Variants in SFMBT1 observed in about 807,000 individuals in gnomAD.
SFMBT1 encodes the protein Scm like with four mbt domains 1.
SFMBT1 carries 32 observed loss-of-function variants against 108.7 expected under a neutral mutation model. That is an observed-to-expected ratio of 0.29 (90% confidence interval 0.22 to 0.40). The LOEUF (loss-of-function observed/expected upper bound fraction) is 0.40. SFMBT1 is among the 10% of genes least tolerant of loss of function. SFMBT1 has a pLI of 1.00. For synonymous variants in SFMBT1, 348 were observed against 369.5 expected (o/e 0.94, Z 0.67); for missense variants, 816 against 1,059.6 (o/e 0.77, Z 3.19).
At chr3:53,006,702 T>C (rs555744822) in intron 1 of SFMBT1, among the ~76,000 whole-genome samples, 1 of 152,152 alleles carries the variant, frequency 6.6e-6, no homozygotes, top group East Asian at 1.9e-4. Context: ...ATAAGGGTCT[T>C]GAGCATCTAT....
At chr3:52,985,737 G>A (rs1266750439) in intron 1 of SFMBT1, among the ~76,000 whole-genome samples, 1 of 152,210 alleles carries the variant, frequency 6.6e-6, no homozygotes, top group Non-Finnish European at 1.5e-5. Flanking sequence ...ATACGGTGTA[G>A]CCTATTGCCC....
At chr3:52,940,680 A>G (rs1386301891) in intron 4 of SFMBT1, among the ~76,000 whole-genome samples, 1 of 152,248 alleles carries the variant, frequency 6.6e-6, no homozygotes, top group African/African-American at 2.4e-5. Context: ...GATAAAATTT[A>G]TAAATGGATA....
At chr3:52,980,115 T>C (rs1276059491) in intron 1 of SFMBT1, among the ~76,000 whole-genome samples, 1 of 152,088 alleles carries the variant, frequency 6.6e-6, no homozygotes, top group Non-Finnish European at 1.5e-5. Context: ...TATACAAATC[T>C]ATTATTAAAA....
Position 52,997,148 on chromosome 3 carries a change from C to T in SFMBT1, c.-130-27890G>A, listed in dbSNP as rs561335994. Reference sequence around the variant, plus strand: ...ACCAAGCAATTCCACTCTTGAGGATCACCAAAAAGAAATGAAAACAGCCAC... The same window carrying T: ...ACCAAGCAATTCCACTCTTGAGGATTACCAAAAAGAAATGAAAACAGCCAC... On this transcript the variant is annotated intron_variant, in intron 1 of 20. Transcript: ENST00000394752. 3.5e-4 allele frequency among the ~76,000 whole-genome samples: 52 copies of T among 150,120 alleles called. 4 individuals carry two copies. The highest frequency in any genetic ancestry group is 5.5e-4 in the Non-Finnish European group (37 of 66,946).
chr3:52,978,294 G>A (rs551433249), intron 1 of SFMBT1, among the ~76,000 whole-genome samples: 4 of 152,056 alleles, frequency 2.6e-5, no homozygotes, highest in Non-Finnish European at 4.4e-5. Flanking sequence ...GCATGTGAGA[G>A]TGAGCTATGT....
intron 5 of SFMBT1, 26 bp downstream of exon 5, chr3:52,934,787 C>A: frequency 1.3e-6 from 2 of 1,579,582 alleles, no homozygotes; most frequent in Non-Finnish European, 1.7e-6. Flanking sequence ...GTTTTCCATG[C>A]TGATGTGGCA....
chr3:53,031,229 T>C (rs72965362), intron 1 of SFMBT1, among the ~76,000 whole-genome samples: 8,976 of 152,250 alleles, frequency 0.059, 716 homozygotes, highest in South Asian at 0.18. Flanking sequence ...CTGTGGCCCA[T>C]GCACCTGCGA....
chr3:53,022,449 C>CAAAAA (rs34744052), intron 1 of SFMBT1, among the ~76,000 whole-genome samples: 1 of 40,614 alleles, frequency 2.5e-5, no homozygotes, highest in African/African-American at 6.9e-5. Context: ...GGTGCTGTCT[C>CAAAAA]AAAAAAAAAA....
At chr3:53,033,481 C>CT (rs1471575717) in intron 1 of SFMBT1, among the ~76,000 whole-genome samples, 24 of 152,120 alleles carry the variant, frequency 1.6e-4, no homozygotes, top group Admixed American at 1.5e-3. Context: ...TTAATACTAA[C>CT]TTTTTTTGCA....
rs1461537351 is a variant in SFMBT1, at chr3:52,995,153, A to G, written c.-130-25895T>C. Among the ~76,000 whole-genome samples the G allele has an allele frequency of 1.3e-5, 2 of 149,646 alleles. 1 individual carries two copies. The highest frequency in any genetic ancestry group is 3.0e-5 in the Non-Finnish European group (2 of 66,900). ...AAATGGAGAGGCATACGATATTCAC[A>G]GACTAAAAGATCCAAAGATGCCAAA... is the stretch of plus-strand genomic sequence containing the variant. On this transcript the variant is annotated intron_variant, in intron 1 of 20. Transcript: ENST00000394752.
chr3:52,933,107 A>AT (rs1702908829), intron 5 of SFMBT1, among the ~76,000 whole-genome samples: 1 of 152,224 alleles, frequency 6.6e-6, no homozygotes, highest in Middle Eastern at 3.4e-3. Context: ...GTCTGTTCCT[A>AT]TTTTTTGAAA....
chr3:53,013,422 C>G (rs936686885), intron 1 of SFMBT1, among the ~76,000 whole-genome samples: 1 of 151,284 alleles, frequency 6.6e-6, no homozygotes, highest in Middle Eastern at 3.2e-3. Context: ...TCAAAACAGA[C>G]CAGAGGTGAG....
chr3:53,000,200 T>G (rs1487988782), intron 1 of SFMBT1, among the ~76,000 whole-genome samples: 1 of 149,862 alleles, frequency 6.7e-6, no homozygotes, highest in Non-Finnish European at 1.5e-5. Flanking sequence ...TACTCACTGC[T>G]TTAAGCATAC....
rs371989480 is a variant in SFMBT1, at chr3:52,921,879, A to T, written c.1132-48T>A. 1.5e-5 allele frequency: 24 copies of T among 1,591,876 alleles called. No homozygotes were observed. The African/African-American group carries it at 3.1e-4, about 20-fold the overall frequency. Reference sequence around the variant, plus strand: ...CAATTTACTGGATTAACACAGTATTAACTCACGTGCTCAGCTAGAAAACCT... The same window carrying T: ...CAATTTACTGGATTAACACAGTATTTACTCACGTGCTCAGCTAGAAAACCT... On this transcript the variant is annotated intron_variant, in intron 10 of 20. Coordinates refer to ENST00000394752, the MANE Select transcript of SFMBT1 (RefSeq NM_016329.4).
intron 3 of SFMBT1, among the ~76,000 whole-genome samples, chr3:52,952,928 A>G (rs983760108): frequency 6.6e-6 from 1 of 152,174 alleles, no homozygotes; most frequent in African/African-American, 2.4e-5. Context: ...TGTTTCTACC[A>G]TGTGAAGACA....
intron 1 of SFMBT1, among the ~76,000 whole-genome samples, chr3:52,991,336 A>C (rs1705115471): frequency 1.0e-5 from 1 of 98,178 alleles, no homozygotes; most frequent in Non-Finnish European, 2.4e-5. Context: ...TCACATGCTG[A>C]AACTTCTTTT....
chr3:52,971,590 G>A (rs1401306928), intron 1 of SFMBT1, among the ~76,000 whole-genome samples: 7 of 152,152 alleles, frequency 4.6e-5, no homozygotes. Context: ...CACTACTGTA[G>A]GGGTGGGGTA....
intron 8 of SFMBT1, among the ~76,000 whole-genome samples, chr3:52,929,456 C>T (rs900679493): frequency 5.3e-5 from 8 of 152,318 alleles, no homozygotes; most frequent in Non-Finnish European, 1.2e-4. Flanking sequence ...TCAGGCTGGT[C>T]TTGAACTCCT....
chr3:52,959,237 T>C (rs1703882762), intron 2 of SFMBT1, among the ~76,000 whole-genome samples: 1 of 152,184 alleles, frequency 6.6e-6, no homozygotes, highest in African/African-American at 2.4e-5. Flanking sequence ...TGTTTACCCA[T>C]GTAACAAACC....
Sources: gnomAD v4.1 joint callset for allele counts (sites outside exome capture counted in the v4.1 genomes callset) on GRCh38, gnomAD v4.1.1 for gene constraint, MANE v1.5 for transcripts, NCBI Gene and HGNC (gene_info 2026-07-23, HGNC 2026-07-21) for gene names.